The following NRXN3 variants were observed in gnomAD, a reference collection of about 807,000 sequenced individuals.
NRXN3 encodes the protein neurexin III.
In NRXN3, 32 loss-of-function variants were observed where a neutral mutation model predicts 137.6. The ratio of observed to expected loss-of-function variants is 0.23; its 90% CI spans 0.18 to 0.31. The LOEUF (loss-of-function observed/expected upper bound fraction) is 0.31. NRXN3 is among the 10% of genes least tolerant of loss of function. NRXN3 has a pLI of 1.00. For missense variants in NRXN3, 1,574 were observed against 2,062.5 expected, an observed-to-expected ratio of 0.76 and a Z score of 4.59; for synonymous variants, 798 against 784.5, an observed-to-expected ratio of 1.02 and a Z score of -0.29.
intron 10 of NRXN3, among the ~76,000 whole-genome samples, chr14:78,910,346 T>C (rs1237683785): frequency 6.6e-6 from 1 of 152,120 alleles, no homozygotes; most frequent in Non-Finnish European, 1.5e-5. Flanking sequence ...ATATAAGTGG[T>C]GGCTATCTTG....
At chr14:78,873,882 G>A (rs960403909) in intron 10 of NRXN3, among the ~76,000 whole-genome samples, 1 of 151,964 alleles carries the variant, frequency 6.6e-6, no homozygotes. Context: ...TAGAAAAAAA[G>A]TGAACCTTCT....
intron 19 of NRXN3, among the ~76,000 whole-genome samples, chr14:79,799,708 T>C (rs1426147873): frequency 1.3e-5 from 2 of 152,178 alleles, no homozygotes; most frequent in African/African-American, 4.8e-5. Flanking sequence ...TTCCTTCCCC[T>C]GTCTCACCAC....
In NRXN3 at chr14:78,804,444, C is replaced by T. The variant is rs536577807; in HGVS notation, c.2248+621C>T. Among the ~76,000 whole-genome samples the T allele has an allele frequency of 1.3e-3, 201 of 152,176 alleles. 1 individual carries two copies. Among genetic ancestry groups the T allele is most frequent in the Non-Finnish European group, 1.6e-3 (109 of 68,040 alleles). ...TGTGACACGTGGAAGGAAAATGTGT[C>T]TCCTGATACGTATACCCATTTTTCT... On this transcript the variant is annotated intron_variant, in intron 9 of 20. Transcript: ENST00000335750.
At chr14:78,185,872 T>C (rs974979752) in intron 1 of NRXN3, among the ~76,000 whole-genome samples, 1 of 152,196 alleles carries the variant, frequency 6.6e-6, no homozygotes, top group Admixed American at 6.5e-5. Flanking sequence ...AGCTAGACCA[T>C]GGGTGGGGAC....
chr14:79,122,955 G>T (rs115743716), intron 15 of NRXN3, among the ~76,000 whole-genome samples: 2 of 152,140 alleles, frequency 1.3e-5, no homozygotes, highest in African/African-American at 4.8e-5. Flanking sequence ...GAGGCCAAAG[G>T]TGACTCTAAA....
chr14:79,790,866 G>T (rs958103954), intron 19 of NRXN3, among the ~76,000 whole-genome samples: 3 of 151,758 alleles, frequency 2.0e-5, no homozygotes, highest in African/African-American at 7.3e-5. Flanking sequence ...TGATCCACCC[G>T]CCTTGGCCTC....
At chr14:78,277,228 G>A (rs1157019026) in intron 2 of NRXN3, among the ~76,000 whole-genome samples, 1 of 152,158 alleles carries the variant, frequency 6.6e-6, no homozygotes, top group Non-Finnish European at 1.5e-5. Flanking sequence ...GATTGCAGGT[G>A]TTTCATTATC....
intron 4 of NRXN3, among the ~76,000 whole-genome samples, chr14:78,586,565 CTG>C (rs1259523746): frequency 6.6e-6 from 1 of 152,170 alleles, no homozygotes; most frequent in African/African-American, 2.4e-5. Context: ...TTTGCTTAGT[CTG>C]TAGTCCTCAG....
chr14:78,891,428 A>G (rs573872997), intron 10 of NRXN3, among the ~76,000 whole-genome samples: 67 of 152,040 alleles, frequency 4.4e-4, no homozygotes, highest in Non-Finnish European at 7.8e-4. Flanking sequence ...TATGGGTGGT[A>G]TACTGGAGAC....
chr14:79,692,336 G>A (rs2098719804), intron 18 of NRXN3, 74 bp downstream of exon 18: 3 of 1,122,804 alleles, frequency 2.7e-6, no homozygotes, highest in South Asian at 1.4e-5. Context: ...GCAAATAAAT[G>A]TTCCTTAAAT....
intron 16 of NRXN3, among the ~76,000 whole-genome samples, chr14:79,520,149 T>C (rs763748338): frequency 6.6e-6 from 1 of 152,162 alleles, no homozygotes; most frequent in Non-Finnish European, 1.5e-5. Flanking sequence ...AAAAGGTCTT[T>C]TCTCAATTAT....
intron 10 of NRXN3, among the ~76,000 whole-genome samples, chr14:78,917,897 T>G (rs957138294): frequency 4.7e-5 from 7 of 147,448 alleles, no homozygotes; most frequent in African/African-American, 1.8e-4. Context: ...AATCTAGGAG[T>G]AATGTAAAAG....
intron 4 of NRXN3, among the ~76,000 whole-genome samples, chr14:78,576,832 C>G (rs190922487): frequency 2.0e-5 from 3 of 152,102 alleles, no homozygotes; most frequent in African/African-American, 7.2e-5. Flanking sequence ...AAAAGACACC[C>G]TTGTTTCAAG....
chr14:79,762,357 G>A (rs1406400221), intron 19 of NRXN3, among the ~76,000 whole-genome samples: 1 of 151,690 alleles, frequency 6.6e-6, no homozygotes, highest in South Asian at 2.1e-4. Flanking sequence ...TAGAAAGTGT[G>A]TCGAAGCAGA....
chr14:79,498,173 T>A (rs527881474), intron 16 of NRXN3, among the ~76,000 whole-genome samples: 5 of 152,316 alleles, frequency 3.3e-5, no homozygotes, highest in African/African-American at 1.2e-4. Context: ...ATGCGTTCTA[T>A]GAGAAAAGGG....
At chr14:78,574,097 G>C (rs2096914130) in intron 4 of NRXN3, among the ~76,000 whole-genome samples, 1 of 152,252 alleles carries the variant, frequency 6.6e-6, no homozygotes, top group Non-Finnish European at 1.5e-5. Context: ...TACATGTGGT[G>C]TTGGGCCTGT....
intron 15 of NRXN3, among the ~76,000 whole-genome samples, chr14:79,303,979 T>C (rs1417675422): frequency 6.6e-6 from 1 of 152,100 alleles, no homozygotes; most frequent in Non-Finnish European, 1.5e-5. Context: ...TGGCACCTTT[T>C]AACATTTGCT....
At chr14:79,388,313 T>G (rs2094713398) in intron 15 of NRXN3, among the ~76,000 whole-genome samples, 1 of 152,110 alleles carries the variant, frequency 6.6e-6, no homozygotes, top group South Asian at 2.1e-4. Context: ...AAAAAATAAA[T>G]TACCCAGTCT....
At chr14:78,918,021 C>G (rs1050910832) in intron 10 of NRXN3, among the ~76,000 whole-genome samples, 1 of 145,092 alleles carries the variant, frequency 6.9e-6, no homozygotes, top group Non-Finnish European at 1.5e-5. Context: ...CATGGTAGCT[C>G]ACGCCTGTAA....
Sources: allele counts gnomAD v4.1 joint callset (sites outside exome capture counted in the v4.1 genomes callset), GRCh38; gene constraint gnomAD v4.1.1; transcripts MANE v1.5; gene names NCBI Gene and HGNC (gene_info 2026-07-23, HGNC 2026-07-21).